Variants in CACNA2D1 observed in about 807,000 individuals in gnomAD.
The protein encoded by CACNA2D1 is voltage-dependent calcium channel subunit alpha-2/delta-1.
In CACNA2D1, 53 loss-of-function variants were observed where a neutral mutation model predicts 171.5. The observed-to-expected ratio is 0.31, with a 90% CI of 0.25 to 0.39. CACNA2D1 has a LOEUF of 0.39. CACNA2D1 is among the 10% of genes least tolerant of loss of function. The probability of loss-of-function intolerance (pLI) is 1.00; values close to 1 mark genes in which losing one functional copy is unlikely to be tolerated. For missense variants in CACNA2D1, 903 were observed against 1,299.8 expected (o/e 0.69, Z 4.69); for synonymous variants, 442 against 443.1 (o/e 1.00, Z 0.03).
intron 3 of CACNA2D1, among the ~76,000 whole-genome samples, chr7:82,209,174 T>C (rs542904113): frequency 3.9e-5 from 6 of 152,312 alleles, no homozygotes; most frequent in African/African-American, 1.4e-4. Flanking sequence ...AGAGTACATT[T>C]CAACCAAATA....
At chr7:82,295,425 C>T (rs936357518) in intron 3 of CACNA2D1, among the ~76,000 whole-genome samples, 3 of 151,806 alleles carry the variant, frequency 2.0e-5, no homozygotes, top group Non-Finnish European at 4.4e-5. Flanking sequence ...CAGCCTTGAC[C>T]CCCCAGGCTC....
At chr7:82,064,581 T>G (rs1246206686) in intron 8 of CACNA2D1, among the ~76,000 whole-genome samples, 1 of 152,152 alleles carries the variant, frequency 6.6e-6, no homozygotes, top group African/African-American at 2.4e-5. Flanking sequence ...TTAACATTTT[T>G]TGATATTTAT....
chr7:81,965,626 G>C lies in CACNA2D1; in HGVS notation c.2542C>G (p.Leu848Val), dbSNP rs1223919490. The change falls in exon 32 of 39, where the codon CTG becomes GTG. Residue 848 changes from leucine to valine, a missense_variant. Transcript: ENST00000356860. ...GTATAATCATCATGATTTGCCATCA[G>C]AAGAAACCCACCATCATCCAGAATC... ...CVILDDGGFL[L>V]MANHDDYTNQ... The C allele has an allele frequency of 6.3e-7, 1 of 1,595,892 alleles. No individual in the cohort carries two copies. Among genetic ancestry groups the C allele is most frequent in the South Asian group, 1.1e-5 (1 of 90,722 alleles).
chr7:81,998,841 T>C (rs1798306892), intron 18 of CACNA2D1, among the ~76,000 whole-genome samples: 1 of 152,144 alleles, frequency 6.6e-6, no homozygotes, highest in Admixed American at 6.5e-5. Flanking sequence ...TAAAAGCCAA[T>C]GTTGAAAATT....
intron 20 of CACNA2D1, among the ~76,000 whole-genome samples, chr7:81,994,248 G>A (rs1047911194): frequency 1.3e-5 from 2 of 152,028 alleles, no homozygotes; most frequent in African/African-American, 4.8e-5. Flanking sequence ...CTGACTAATA[G>A]ACATAATCCT....
intron 1 of CACNA2D1, among the ~76,000 whole-genome samples, chr7:82,386,495 C>G (rs117037405): frequency 0.012 from 1,752 of 152,012 alleles, 60 homozygotes; most frequent in East Asian, 0.07. Flanking sequence ...GCCTTTAATC[C>G]CAGCACTTTG....
At chr7:81,996,689 C>T (rs1798081944) in intron 19 of CACNA2D1, among the ~76,000 whole-genome samples, 1 of 150,532 alleles carries the variant, frequency 6.6e-6, no homozygotes, top group African/African-American at 2.4e-5. Context: ...TAATATAATA[C>T]TCTCATTATT....
chr7:82,151,028 T>C (rs977547980), intron 4 of CACNA2D1, among the ~76,000 whole-genome samples: 1 of 152,162 alleles, frequency 6.6e-6, no homozygotes, highest in African/African-American at 2.4e-5. Context: ...GATTCAGAGA[T>C]AACCTGTCTT....
At chr7:82,306,867 C>T (rs761845610) in intron 3 of CACNA2D1, among the ~76,000 whole-genome samples, 11 of 90,300 alleles carry the variant, frequency 1.2e-4, no homozygotes, top group African/African-American at 4.6e-4. Context: ...CTGGTATCTA[C>T]GAAAAAATAC....
chr7:81,980,171 G>GAAAAAAAAAAAAAAAAAA (rs1218127441), intron 24 of CACNA2D1, among the ~76,000 whole-genome samples: 1 of 5,574 alleles, frequency 1.8e-4, no homozygotes, highest in African/African-American at 8.8e-4. Context: ...CTAAAACCAA[G>GAAAAAAAAAAAAAAAAAA]CAAAAAAAAA....
chr7:82,111,894 TG>T (rs1231837121), intron 6 of CACNA2D1, among the ~76,000 whole-genome samples: 1 of 152,204 alleles, frequency 6.6e-6, no homozygotes, highest in Non-Finnish European at 1.5e-5. Context: ...TCTAACATAT[TG>T]TTTTTTAAAC....
chr7:82,191,627 A>G (rs1330829971), intron 3 of CACNA2D1, among the ~76,000 whole-genome samples: 2 of 151,838 alleles, frequency 1.3e-5, no homozygotes, highest in Non-Finnish European at 3.0e-5. Flanking sequence ...AATGTTTTAT[A>G]TATTTTTAAA....
At chr7:82,077,359 C>T (rs1445474691) in intron 7 of CACNA2D1, among the ~76,000 whole-genome samples, 2 of 152,062 alleles carry the variant, frequency 1.3e-5, no homozygotes, top group South Asian at 2.1e-4. Flanking sequence ...ATGTGATTTC[C>T]GGGAAGTTCC....
At chr7:82,010,530 G>A (rs1417263710) in intron 15 of CACNA2D1, among the ~76,000 whole-genome samples, 2 of 152,022 alleles carry the variant, frequency 1.3e-5, no homozygotes, top group East Asian at 1.9e-4. Context: ...ACACAACAGG[G>A]CATAATTATT....
rs565593611 is a variant in CACNA2D1, at chr7:82,428,099, A to T, written c.95+15266T>A. 7.1e-3 allele frequency among the ~76,000 whole-genome samples: 931 copies of T among 131,430 alleles called. 2 individuals are homozygous for T. The highest frequency in any genetic ancestry group is 0.01 in the Non-Finnish European group (682 of 66,722). The allele number at this position is 131,430 out of a possible 152,430, so 86.2% of individuals were successfully genotyped here. A position where few individuals can be genotyped will look rare whatever the true frequency, so the allele number is the denominator to read the frequency against. ...CAAGATCTTGTCTTTAAAAAAATAA[A>T]AAATAAATAAAAAAAAAACAAACAA... is the stretch of plus-strand genomic sequence containing the variant. On this transcript the variant is annotated intron_variant, in intron 1 of 38. Transcript: ENST00000356860.
chr7:82,057,515 C>G (rs938774918), intron 10 of CACNA2D1, among the ~76,000 whole-genome samples: 1 of 151,810 alleles, frequency 6.6e-6, no homozygotes, highest in Non-Finnish European at 1.5e-5. Flanking sequence ...AAACCTAAAT[C>G]TATAGCTACT....
At chr7:82,032,477 A>T (rs1802824832) in intron 12 of CACNA2D1, among the ~76,000 whole-genome samples, 1 of 151,656 alleles carries the variant, frequency 6.6e-6, no homozygotes, top group African/African-American at 2.4e-5. Context: ...AAAGTTTAAA[A>T]TTTTTCCTAT....
At chr7:82,288,994 C>G (rs1051824911) in intron 3 of CACNA2D1, among the ~76,000 whole-genome samples, 1 of 152,136 alleles carries the variant, frequency 6.6e-6, no homozygotes, top group African/African-American at 2.4e-5. Flanking sequence ...ATCTAGTCTG[C>G]AACAGCCACT....
chr7:82,187,720 T>C (rs1158699908), intron 3 of CACNA2D1, among the ~76,000 whole-genome samples: 1 of 152,170 alleles, frequency 6.6e-6, no homozygotes, highest in African/African-American at 2.4e-5. Context: ...AGTTTGACTT[T>C]AGGAGCTGTG....
Sources: allele counts gnomAD v4.1 joint callset (sites outside exome capture counted in the v4.1 genomes callset), GRCh38; gene constraint gnomAD v4.1.1; transcripts MANE v1.5; gene names NCBI Gene and HGNC (gene_info 2026-07-23, HGNC 2026-07-21).